The following COL3A1 variants were observed in gnomAD, a reference collection of about 807,000 sequenced individuals.
The protein encoded by COL3A1 is collagen alpha-1(III) chain.
Under a neutral mutation model 200.9 loss-of-function variants are expected in COL3A1, and 46 were observed. The ratio of observed to expected loss-of-function variants is 0.23; its 90% CI spans 0.18 to 0.29. COL3A1 has a LOEUF of 0.29. COL3A1 is among the 10% of genes least tolerant of loss of function. The pLI is 1.00. For missense variants in COL3A1, 1,367 were observed against 1,917.6 expected (o/e 0.71, Z 5.36); for synonymous variants, 650 against 628.0 (o/e 1.03, Z -0.52).
At chr2:188,989,640 T>C (rs1688144439) in intron 8 of COL3A1, among the ~76,000 whole-genome samples, 191 bp downstream of exon 8, 1 of 152,192 alleles carries the variant, frequency 6.6e-6, no homozygotes, top group African/African-American at 2.4e-5. Flanking sequence ...ATATCATTTG[T>C]TGAATTCCAA....
intron 10 of COL3A1, 43 bp downstream of exon 10, chr2:188,990,403 C>CAAG: frequency 6.6e-7 from 1 of 1,518,394 alleles, no homozygotes; most frequent in Non-Finnish European, 9.1e-7. Flanking sequence ...TTCCACTGGG[C>CAAG]TATGTTTACT....
At chr2:188,997,495 C>T in intron 26 of COL3A1, 106 bp downstream of exon 26, 1 of 1,292,608 alleles carries the variant, frequency 7.7e-7, no homozygotes, top group Admixed American at 1.8e-5. Flanking sequence ...TACAGTTTAC[C>T]AAAGCAATGA....
chr2:189,002,274 T>A (rs770842481), intron 34 of COL3A1, 24 bp from the exon 35 acceptor site: 86 of 1,605,534 alleles, frequency 5.4e-5, no homozygotes, highest in Non-Finnish European at 6.8e-5. Context: ...TCACTGTGAC[T>A]AAGGAGGATA....
Position 188,987,132 on chromosome 2 carries a change from G to C in COL3A1, c.521G>C (p.Gly174Ala). Reference protein sequence around the residue: ...VAVGGLAGYPGPAGPPGPPGP... With the variant: ...VAVGGLAGYPAPAGPPGPPGP... ...GTAGGAGGACTCGCAGGCTATCCTGGACCAGCTGTACGTACAAATGTTTCT... is the reference window on the plus strand; with the variant it reads ...GTAGGAGGACTCGCAGGCTATCCTGCACCAGCTGTACGTACAAATGTTTCT... The change falls in exon 5 of 51, where the codon GGA becomes GCA. Residue 174 changes from glycine to alanine, a missense_variant. Coordinates refer to ENST00000304636, the MANE Select transcript of COL3A1 (RefSeq NM_000090.4). 1 of 1,611,748 alleles carries C rather than the reference G, an allele frequency of 6.2e-7. No homozygotes were observed. Among genetic ancestry groups the C allele is most frequent in the Non-Finnish European group, 8.5e-7 (1 of 1,178,286 alleles).
At position 188,999,461 on chromosome 2, in the gene COL3A1, TA is replaced by T. The variant is rs775398424; in HGVS notation, c.2122-8del. On this transcript the variant is annotated splice_region_variant and splice_polypyrimidine_tract_variant and intron_variant, in intron 30 of 50. Transcript: ENST00000304636. ...TTCTGATCATTTATTATTTCTCACT[TA>T]TTTTCAGGGTGCTGCTGGTCCTCCT... 2 of 1,614,074 alleles carry T rather than the reference TA, an allele frequency of 1.2e-6. No individual in the cohort carries two copies. The highest frequency in any genetic ancestry group is 2.2e-5 in the South Asian group (2 of 91,070).
chr2:188,978,262 T>A (rs986284830), intron 1 of COL3A1: 1 of 182,462 alleles, frequency 5.5e-6, no homozygotes, highest in Non-Finnish European at 1.3e-5. Context: ...AGACTGTGAT[T>A]AAATGCCTCT....
intron 44 of COL3A1, 86 bp downstream of exon 44, chr2:189,007,076 G>A (rs1361734951): frequency 2.3e-5 from 17 of 739,008 alleles, no homozygotes; most frequent in East Asian, 4.6e-5. Context: ...ATTTTCCAGC[G>A]TGTTCAGGAA....
intron 1 of COL3A1, among the ~76,000 whole-genome samples, chr2:188,975,029 T>C (rs1687778658): frequency 6.6e-6 from 1 of 152,180 alleles, no homozygotes; most frequent in Admixed American, 6.5e-5. Flanking sequence ...AAGAACAGTC[T>C]AAAGGAAGAT....
Position 189,007,919 on chromosome 2 carries a change from C to T in COL3A1, c.3398C>T (p.Pro1133Leu). The change falls in exon 46 of 51, where the codon CCA (proline) becomes CTA (leucine). Residue 1133 changes from proline to leucine, a missense_variant. Around this residue, in one of 5 missense-constraint regions of COL3A1, gnomAD observed 846 missense variants for 1,147.9 expected, o/e 0.74. Coordinates refer to ENST00000304636, the MANE Select transcript of COL3A1 (RefSeq NM_000090.4). ...PAGQQGAIGS[P>L]GPAGPRGPVG... Reference sequence around the variant, plus strand: ...GGTCAGCAGGGTGCAATCGGCAGTCCAGGACCTGCAGGCCCCAGAGTAAGT... The same window carrying T: ...GGTCAGCAGGGTGCAATCGGCAGTCTAGGACCTGCAGGCCCCAGAGTAAGT... The T allele has an allele frequency of 6.2e-7, 1 of 1,614,142 alleles. No homozygotes were observed. The highest frequency in any genetic ancestry group is 1.1e-5 in the South Asian group (1 of 91,078).
Position 188,991,655 on chromosome 2 carries a change from A to C in COL3A1, c.898-14A>C. On this transcript the variant is annotated splice_polypyrimidine_tract_variant and intron_variant, in intron 12 of 50. Coordinates refer to ENST00000304636, the MANE Select transcript of COL3A1 (RefSeq NM_000090.4). Reference sequence around the variant, plus strand: ...AAGATTAGAGTAAAACCATATTTCAATTTTACTCTGTAGGGTCCAAGAGGG... The same window carrying C: ...AAGATTAGAGTAAAACCATATTTCACTTTTACTCTGTAGGGTCCAAGAGGG... The C allele has an allele frequency of 6.2e-7, 1 of 1,613,814 alleles. No homozygotes were observed.
intron 8 of COL3A1, 117 bp from the exon 9 acceptor site, chr2:188,989,979 G>A (rs1688151708): frequency 2.2e-6 from 2 of 915,044 alleles, no homozygotes; most frequent in East Asian, 4.9e-5. Flanking sequence ...TATACATTTT[G>A]TGGAACCATT....
chr2:189,001,495 C>G (rs936987276), intron 33 of COL3A1, 41 bp from the exon 34 acceptor site: 1 of 1,614,052 alleles, frequency 6.2e-7, no homozygotes, highest in South Asian at 1.1e-5. Flanking sequence ...ATGTCTCTCT[C>G]TTTTGGATGC....
intron 3 of COL3A1, 70 bp from the exon 4 acceptor site, chr2:188,985,591 GAAAC>G: frequency 1.0e-6 from 1 of 953,128 alleles, no homozygotes. Context: ...ATAAAGTAGA[GAAAC>G]AACAATCTGA....
At chr2:189,008,238 G>T (rs569531522) in intron 47 of COL3A1, 96 bp downstream of exon 47, 3 of 1,000,454 alleles carry the variant, frequency 3.0e-6, no homozygotes, top group African/African-American at 1.6e-5. Flanking sequence ...ATAGAGAGAC[G>T]CAATGCATCC....
chr2:188,990,908 A>T, intron 10 of COL3A1, 96 bp from the exon 11 acceptor site: 2 of 1,259,396 alleles, frequency 1.6e-6, no homozygotes, highest in Non-Finnish European at 2.3e-6. Context: ...AAGTAGTGTT[A>T]TGAAGACCAA....
chr2:188,994,151 C>G lies in COL3A1; in HGVS notation c.1194+69C>G, dbSNP rs1053004230. The G allele has an allele frequency of 6.2e-7, 1 of 1,610,386 alleles. No homozygotes were observed. The highest frequency in any genetic ancestry group is 8.5e-7 in the Non-Finnish European group (1 of 1,176,616). The stretch of plus-strand genomic sequence containing the variant: ...CTGGCTTCTTTTGCATTTTGCATGA[C>G]AATAGATTTGTGATATTTAAGTGAG... On this transcript the variant is annotated intron_variant, in intron 17 of 50. Coordinates refer to ENST00000304636, the MANE Select transcript of COL3A1 (RefSeq NM_000090.4). The surrounding 1 kb of genome is among the most constrained non-coding windows in gnomAD (Gnocchi z 4.5).
At position 189,008,911 on chromosome 2, in the gene COL3A1, T is replaced by G. The variant is rs766512061; in HGVS notation, c.3526-13T>G. On this transcript the variant is annotated splice_polypyrimidine_tract_variant and intron_variant, in intron 47 of 50. Coordinates refer to ENST00000304636, the MANE Select transcript of COL3A1 (RefSeq NM_000090.4). ...TGTGCATACCTCAATGATCCATGTT[T>G]TACTCATTCTAGGGCTCCCCAGGCC... 1 of 1,613,116 alleles carries G rather than the reference T, an allele frequency of 6.2e-7. No individual in the cohort carries two copies. The highest frequency in any genetic ancestry group is 8.5e-7 in the Non-Finnish European group (1 of 1,179,828).
intron 48 of COL3A1, 59 bp from the exon 49 acceptor site, chr2:189,010,119 A>C: frequency 6.4e-7 from 1 of 1,562,654 alleles, no homozygotes; most frequent in Non-Finnish European, 8.8e-7. Context: ...GTAAACAAAC[A>C]AAATCACTTT....
chr2:188,983,007 A>G (rs907600564), intron 1 of COL3A1, among the ~76,000 whole-genome samples: 1 of 151,914 alleles, frequency 6.6e-6, no homozygotes, highest in African/African-American at 2.4e-5. Flanking sequence ...TTGCTCTTCT[A>G]TTAAATATAT....
Sources: allele counts gnomAD v4.1 joint callset (sites outside exome capture counted in the v4.1 genomes callset), GRCh38; gene constraint gnomAD v4.1.1; regional missense constraint gnomAD v4.1.1; non-coding constraint Gnocchi (gnomAD v3.1); transcripts MANE v1.5; gene names NCBI Gene and HGNC (gene_info 2026-07-23, HGNC 2026-07-21).